TNFAIP8: variants seen among roughly 807,000 people sequenced by gnomAD.
TNFAIP8 encodes tumor necrosis factor alpha-induced protein 8.
TNFAIP8 carries 7 observed loss-of-function variants against 13.3 expected under a neutral mutation model. That is an observed-to-expected ratio of 0.52 (90% CI 0.30 to 0.99). TNFAIP8 has a LOEUF of 0.99. TNFAIP8 is among the 50% of genes least tolerant of loss of function. The probability of loss-of-function intolerance (pLI) is 0.07; values close to 1 mark genes in which losing one functional copy is unlikely to be tolerated. For synonymous variants in TNFAIP8, 94 were observed against 87.6 expected, an observed-to-expected ratio of 1.07 and a Z score of -0.41; for missense variants, 258 against 236.9, an observed-to-expected ratio of 1.09 and a Z score of -0.58.
At chr5:119,294,314 GC>G (rs1479191497) in intron 1 of TNFAIP8, among the ~76,000 whole-genome samples, 1 of 148,868 alleles carries the variant, frequency 6.7e-6, no homozygotes, top group African/African-American at 2.5e-5. Context: ...TTTTGTCCTT[GC>G]CATAGTTTAC....
chr5:119,376,902 G>C (rs1454729134), intron 1 of TNFAIP8, among the ~76,000 whole-genome samples: 1 of 152,086 alleles, frequency 6.6e-6, no homozygotes, highest in Non-Finnish European at 1.5e-5. Context: ...TTTCGGAAAG[G>C]CCTTCCCCAA....
chr5:119,390,985 A>ATTT (rs11448031), intron 1 of TNFAIP8, among the ~76,000 whole-genome samples: 22,304 of 137,230 alleles, frequency 0.16, 2,393 homozygotes, highest in Non-Finnish European at 0.23. Flanking sequence ...CACCTGGCTA[A>ATTT]TTTTTTTTTT....
chr5:119,292,345 G>C (rs1424119377), intron 1 of TNFAIP8, among the ~76,000 whole-genome samples: 1 of 151,810 alleles, frequency 6.6e-6, no homozygotes, highest in Non-Finnish European at 1.5e-5. Context: ...GGCCGTACTG[G>C]GTTTGAATTC....
At chr5:119,320,892 A>G (rs897221632) in intron 1 of TNFAIP8, among the ~76,000 whole-genome samples, 1 of 151,450 alleles carries the variant, frequency 6.6e-6, no homozygotes, top group Non-Finnish European at 1.5e-5. Context: ...TGCTAAAAAA[A>G]AAACAAAAAA....
intron 1 of TNFAIP8, among the ~76,000 whole-genome samples, chr5:119,369,801 G>A (rs927487038): frequency 3.3e-5 from 5 of 152,194 alleles, no homozygotes; most frequent in African/African-American, 1.2e-4. Context: ...CTCCCTTCGA[G>A]CCAGTGTGAG....
chr5:119,293,836 A>G (rs1416878565), intron 1 of TNFAIP8, among the ~76,000 whole-genome samples: 1 of 152,172 alleles, frequency 6.6e-6, no homozygotes, highest in East Asian at 1.9e-4. Flanking sequence ...ACTTTCATGA[A>G]TGCTTGAAAA....
In TNFAIP8 at chr5:119,358,193, G is replaced by A. The variant is rs142244414; in HGVS notation, c.31+2072G>A. 3.8e-3 allele frequency among the ~76,000 whole-genome samples: 569 copies of A among 150,428 alleles called. 3 individuals are homozygous for A. Among genetic ancestry groups the A allele is most frequent in the Middle Eastern group, 6.8e-3 (2 of 294 alleles). ...AGAATGTCTGTATTGCAAGAAAACT[G>A]CCTTTGGATGCTTCATGCCTGATAC... On this transcript the variant is annotated intron_variant, in intron 1 of 1. Coordinates refer to ENST00000504771, the MANE Select transcript of TNFAIP8 (RefSeq NM_014350.4).
intron 1 of TNFAIP8, among the ~76,000 whole-genome samples, chr5:119,271,611 C>T (rs921828257): frequency 6.6e-6 from 1 of 152,140 alleles, no homozygotes; most frequent in African/African-American, 2.4e-5. Flanking sequence ...AGGGGAAGGG[C>T]ATAGGGGCTA....
intron 1 of TNFAIP8, among the ~76,000 whole-genome samples, chr5:119,373,517 C>T (rs1340834850): frequency 6.6e-6 from 1 of 152,130 alleles, no homozygotes; most frequent in African/African-American, 2.4e-5. Flanking sequence ...CCTGTTGCTG[C>T]TGTTGAGTAG....
chr5:119,334,774 A>T (rs1158059343), intron 1 of TNFAIP8, among the ~76,000 whole-genome samples: 1 of 151,660 alleles, frequency 6.6e-6, no homozygotes, highest in Non-Finnish European at 1.5e-5. Flanking sequence ...ACTCCGTCTC[A>T]AAAAAAATGG....
upstream of TNFAIP8, among the ~76,000 whole-genome samples, chr5:119,353,277 A>G (rs530393505): frequency 4.6e-5 from 7 of 152,360 alleles, no homozygotes; most frequent in Admixed American, 3.9e-4. Context: ...GAAGTAAATT[A>G]TCCCCTTTTG....
chr5:119,353,115 C>T (rs146926561), upstream of TNFAIP8, among the ~76,000 whole-genome samples: 15 of 152,202 alleles, frequency 9.9e-5, no homozygotes, highest in African/African-American at 2.9e-4. Context: ...TTGTATCAGG[C>T]GGGCGGTAAT....
intron 1 of TNFAIP8, among the ~76,000 whole-genome samples, chr5:119,365,794 A>C (rs1751829418): frequency 6.6e-6 from 1 of 152,204 alleles, no homozygotes; most frequent in South Asian, 2.1e-4. Flanking sequence ...TCAATATCAC[A>C]AGTCTAAACA....
At chr5:119,342,380 A>G (rs973225896) in intron 1 of TNFAIP8, among the ~76,000 whole-genome samples, 8 of 152,192 alleles carry the variant, frequency 5.3e-5, no homozygotes, top group African/African-American at 1.9e-4. Context: ...AGTCCACGAA[A>G]ATTCTTGCAA....
At chr5:119,282,845 C>G (rs1553543) in intron 1 of TNFAIP8, among the ~76,000 whole-genome samples, 119,867 of 152,158 alleles carry the variant, frequency 0.79, 48,254 homozygotes, top group East Asian at 0.92. Context: ...TTGCCCATCA[C>G]AACCTTTTGC....
chr5:119,333,235 G>T, intron 1 of TNFAIP8: 1 of 1,026,538 alleles, frequency 9.7e-7, no homozygotes, highest in South Asian at 4.6e-5. Context: ...TGTAGTTGTA[G>T]TTTACAGGGA....
intron 1 of TNFAIP8, among the ~76,000 whole-genome samples, chr5:119,390,928 C>A (rs1752867134): frequency 6.6e-6 from 1 of 152,098 alleles, no homozygotes; most frequent in Non-Finnish European, 1.5e-5. Flanking sequence ...AGATTATTCT[C>A]CCACCTCCAA....
intron 1 of TNFAIP8, among the ~76,000 whole-genome samples, chr5:119,285,542 G>T (rs1163117300): frequency 6.6e-6 from 1 of 152,174 alleles, no homozygotes; most frequent in Non-Finnish European, 1.5e-5. Flanking sequence ...AGATAATCTT[G>T]TGAGTAGATT....
chr5:119,294,719 T>G (rs1749113132), intron 1 of TNFAIP8, among the ~76,000 whole-genome samples: 1 of 152,158 alleles, frequency 6.6e-6, no homozygotes, highest in South Asian at 2.1e-4. Context: ...CCTGACTTTT[T>G]AATGATTGCC....
Sources: gnomAD v4.1 joint callset for allele counts (sites outside exome capture counted in the v4.1 genomes callset) on GRCh38, gnomAD v4.1.1 for gene constraint, MANE v1.5 for transcripts, NCBI Gene and HGNC (gene_info 2026-07-23, HGNC 2026-07-21) for gene names.